COL19A1: variants seen among roughly 807,000 people sequenced by gnomAD.
COL19A1 encodes collagen alpha-1(XIX) chain.
COL19A1 carries 159 observed loss-of-function variants against 190.2 expected under a neutral mutation model. The observed-to-expected ratio is 0.84, with a 90% CI of 0.73 to 0.95. The LOEUF is 0.95. COL19A1 is among the 40% of genes least tolerant of loss of function. The pLI, the probability that COL19A1 is intolerant of heterozygous loss-of-function variation, is 0.00. For synonymous variants in COL19A1, 509 were observed against 458.9 expected, an observed-to-expected ratio of 1.11 and a Z score of -1.39; for missense variants, 1,418 against 1,431.9, an observed-to-expected ratio of 0.99 and a Z score of 0.16.
Position 70,209,022 on chromosome 6 carries a change from A to G in COL19A1, c.*1748A>G, listed in dbSNP as rs966734322. 1.3e-5 allele frequency: 2 copies of G among 151,554 alleles called. No individual in the cohort carries two copies. The highest frequency in any genetic ancestry group is 1.3e-4 in the Admixed American group (2 of 15,176). 9.4% of individuals were successfully genotyped at this position (151,554 alleles called of 1,614,324 possible). ...CAAGGTTATTTTATTTATTGTAAGCATTTTGACATTGATTTTTTTTTTTTC... is the reference window on the plus strand; with the variant it reads ...CAAGGTTATTTTATTTATTGTAAGCGTTTTGACATTGATTTTTTTTTTTTC... On this transcript the variant is annotated 3_prime_UTR_variant, in exon 51 of 51. Coordinates refer to ENST00000620364, the MANE Select transcript of COL19A1 (RefSeq NM_001858.6).
intron 14 of COL19A1, among the ~76,000 whole-genome samples, chr6:70,060,844 A>G (rs1192769853): frequency 4.6e-5 from 7 of 152,200 alleles, no homozygotes; most frequent in Admixed American, 4.6e-4. Context: ...ATCAGGGTTC[A>G]TGGAAAAATT....
intron 4 of COL19A1, among the ~76,000 whole-genome samples, chr6:69,914,119 G>A (rs1771136863): frequency 6.6e-6 from 1 of 152,136 alleles, no homozygotes; most frequent in Admixed American, 6.5e-5. Context: ...CGTTTACAAT[G>A]CCACATTGAA....
chr6:70,103,726 T>C (rs1266004691), intron 16 of COL19A1, among the ~76,000 whole-genome samples: 1 of 152,196 alleles, frequency 6.6e-6, no homozygotes, highest in Non-Finnish European at 1.5e-5. Flanking sequence ...GCTCTCAGCA[T>C]TTGAGGTTTC....
intron 2 of COL19A1, among the ~76,000 whole-genome samples, chr6:69,884,238 G>A (rs1430400438): frequency 1.3e-5 from 2 of 151,980 alleles, no homozygotes; most frequent in African/African-American, 4.8e-5. Flanking sequence ...GGGAGGCTGA[G>A]GCAGGAGAAT....
chr6:69,911,312 A>T (rs765186426), intron 4 of COL19A1, among the ~76,000 whole-genome samples: 1 of 152,346 alleles, frequency 6.6e-6, no homozygotes, highest in African/African-American at 2.4e-5. Context: ...ATGTTATTTT[A>T]TGTGATTCCT....
intron 11 of COL19A1, among the ~76,000 whole-genome samples, chr6:70,016,784 T>A (rs1254368298): frequency 6.6e-6 from 1 of 152,010 alleles, no homozygotes; most frequent in East Asian, 1.9e-4. Flanking sequence ...TGATCATTAA[T>A]CATTAAGAAA....
intron 31 of COL19A1, 41 bp downstream of exon 31, chr6:70,151,479 G>A (rs761622374): frequency 1.2e-5 from 19 of 1,587,254 alleles, no homozygotes; most frequent in Non-Finnish European, 1.6e-5. Flanking sequence ...TTAATTTCCA[G>A]GAAAAATTAG....
At chr6:69,881,317 A>G (rs1457714323) in intron 2 of COL19A1, among the ~76,000 whole-genome samples, 1 of 152,166 alleles carries the variant, frequency 6.6e-6, no homozygotes, top group African/African-American at 2.4e-5. Flanking sequence ...ATTTTATGCC[A>G]AGGTTACCTT....
chr6:70,065,375 C>T (rs376159874), intron 14 of COL19A1, among the ~76,000 whole-genome samples: 3 of 152,056 alleles, frequency 2.0e-5, no homozygotes, highest in Non-Finnish European at 4.4e-5. Context: ...CCCTATTTAA[C>T]AAATGGTGCT....
At chr6:69,952,765 A>G (rs1028361512) in intron 9 of COL19A1, among the ~76,000 whole-genome samples, 2 of 152,038 alleles carry the variant, frequency 1.3e-5, no homozygotes, top group Non-Finnish European at 2.9e-5. Flanking sequence ...TGAAATGACT[A>G]TGATCTTTGA....
chr6:70,164,867 A>G (rs1765038954), intron 36 of COL19A1, among the ~76,000 whole-genome samples: 1 of 152,230 alleles, frequency 6.6e-6, no homozygotes, highest in Non-Finnish European at 1.5e-5. Flanking sequence ...TTTGTTATAT[A>G]TTCTCAGGCA....
At chr6:70,083,972 T>A (rs1167280570) in intron 15 of COL19A1, among the ~76,000 whole-genome samples, 2 of 152,116 alleles carry the variant, frequency 1.3e-5, no homozygotes, top group African/African-American at 2.4e-5. Context: ...CCCTCAACTC[T>A]TTCAACCTTT....
chr6:70,061,831 G>A (rs1257615433), intron 14 of COL19A1, among the ~76,000 whole-genome samples: 11 of 152,108 alleles, frequency 7.2e-5, no homozygotes, highest in East Asian at 1.9e-4. Flanking sequence ...AGCCAAGATC[G>A]TGTCAGGCTT....
intron 3 of COL19A1, 107 bp downstream of exon 3, chr6:69,899,129 A>G: frequency 1.4e-6 from 1 of 707,500 alleles, no homozygotes; most frequent in South Asian, 2.0e-5. Flanking sequence ...ATTTAAGATC[A>G]TAGCATTAAC....
At position 70,169,746 on chromosome 6, in the gene COL19A1, G is replaced by A. The variant is rs368777189; in HGVS notation, c.2568+1065G>A. 1.3e-4 allele frequency among the ~76,000 whole-genome samples: 19 copies of A among 151,930 alleles called. No individual in the cohort carries two copies. In the East Asian group the frequency reaches 3.5e-3, roughly 28 times the overall value. ...TATCTTTACCTGAAACCAACTATAC[G>A]CTTCATTCTAATTTTAATTTTCTTA... On this transcript the variant is annotated intron_variant, in intron 40 of 50. Coordinates refer to ENST00000620364, the MANE Select transcript of COL19A1 (RefSeq NM_001858.6).
intron 18 of COL19A1, among the ~76,000 whole-genome samples, chr6:70,136,359 A>G (rs970939705): frequency 1.5e-4 from 23 of 152,304 alleles, no homozygotes; most frequent in African/African-American, 5.5e-4. Flanking sequence ...AGCCTTGTTT[A>G]TAATAGAGAA....
At chr6:69,972,047 T>G (rs1196579154) in intron 11 of COL19A1, among the ~76,000 whole-genome samples, 1 of 152,224 alleles carries the variant, frequency 6.6e-6, no homozygotes, top group Non-Finnish European at 1.5e-5. Context: ...ATTCCCCTTT[T>G]CTGCTTCTAT....
At chr6:69,876,463 T>C (rs1768134587) in intron 1 of COL19A1, among the ~76,000 whole-genome samples, 1 of 152,184 alleles carries the variant, frequency 6.6e-6, no homozygotes, top group East Asian at 1.9e-4. Context: ...TTTCCAATTA[T>C]TGTTTATTAA....
At chr6:70,183,712 A>T (rs1175847120) in intron 44 of COL19A1, among the ~76,000 whole-genome samples, 1 of 152,302 alleles carries the variant, frequency 6.6e-6, no homozygotes, top group African/African-American at 2.4e-5. Flanking sequence ...TTGGGTTGTC[A>T]ACTGTGACAG....
Sources: gnomAD v4.1 joint callset for allele counts (sites outside exome capture counted in the v4.1 genomes callset) on GRCh38, gnomAD v4.1.1 for gene constraint, MANE v1.5 for transcripts, NCBI Gene and HGNC (gene_info 2026-07-23, HGNC 2026-07-21) for gene names.